Variants in PHEX observed in about 807,000 individuals in gnomAD.
PHEX encodes phosphate regulating endopeptidase X-linked.
PHEX carries 16 observed loss-of-function variants against 68.0 expected under a neutral mutation model. The ratio of observed to expected loss-of-function variants is 0.24; its 90% confidence interval spans 0.16 to 0.36. The LOEUF (loss-of-function observed/expected upper bound fraction) is 0.36, where lower values mean the gene tolerates loss of function less well. Ranked by LOEUF, PHEX falls within the 10% of genes least tolerant of loss-of-function variation. The pLI, the probability that PHEX is intolerant of heterozygous loss-of-function variation, is 1.00. For missense variants in PHEX, 480 were observed against 575.5 expected (o/e 0.83, Z 1.70); for synonymous variants, 208 against 205.1 (o/e 1.01, Z -0.12).
intron 3 of PHEX, among the ~76,000 whole-genome samples, chrX:22,054,689 A>G (rs755482203): frequency 9.0e-5 from 10 of 111,671 alleles, no homozygotes; most frequent in African/African-American, 3.2e-4. Flanking sequence ...TTACAAATAT[A>G]TCACCACAGT....
Position 22,105,119 on chromosome X carries a change from C to G in PHEX, c.1079+5968C>G, listed in dbSNP as rs1366354879. On this transcript the variant is annotated intron_variant, in intron 9 of 21. Coordinates refer to ENST00000379374, the MANE Select transcript of PHEX (RefSeq NM_000444.6). ...TAGGGTCTTGCTAGCCAAAGAATGG[C>G]CTACAGATGAGCAGCAGAGACATTA... Among the ~76,000 whole-genome samples, 4 of 112,024 alleles carry G rather than the reference C, an allele frequency of 3.6e-5. 1 individual carries two copies. The highest frequency in any genetic ancestry group is 1.3e-4 in the African/African-American group (4 of 30,841).
chrX:22,155,894 A>G (rs193247934), intron 12 of PHEX, among the ~76,000 whole-genome samples: 2 of 111,888 alleles, frequency 1.8e-5, no homozygotes, highest in East Asian at 5.6e-4. Flanking sequence ...GACAAATGGT[A>G]AACATCTTAG....
intron 2 of PHEX, 132 bp from the exon 3 acceptor site, chrX:22,046,918 A>T: frequency 1.8e-6 from 1 of 558,902 alleles, no homozygotes; most frequent in African/African-American, 2.2e-5. Context: ...AGATTCAGAG[A>T]GTTTATTTAA....
Position 22,071,484 on chromosome X carries a change from A to G in PHEX, c.350-4904A>G, listed in dbSNP as rs768179753. On this transcript the variant is annotated intron_variant, in intron 3 of 21. Coordinates refer to ENST00000379374, the MANE Select transcript of PHEX (RefSeq NM_000444.6). Reference sequence around the variant, plus strand: ...CCTTGTCAGGAATTCAACTCAGCGAACATTCACTAAGCACCAGCCATGCCA... The same window carrying G: ...CCTTGTCAGGAATTCAACTCAGCGAGCATTCACTAAGCACCAGCCATGCCA... Among the ~76,000 whole-genome samples, 126 of 111,796 alleles carry G rather than the reference A, an allele frequency of 1.1e-3. 1 individual carries two copies. The highest frequency in any genetic ancestry group is 3.4e-3 in the African/African-American group (106 of 30,806).
At chrX:22,212,620 C>T (rs1011513901) in intron 15 of PHEX, among the ~76,000 whole-genome samples, 3 of 112,046 alleles carry the variant, frequency 2.7e-5, no homozygotes, top group Admixed American at 1.9e-4. Context: ...CAGCCTGAAG[C>T]CTCATGAGCA....
chrX:22,210,646 T>C (rs1934890954), intron 15 of PHEX, among the ~76,000 whole-genome samples: 1 of 111,305 alleles, frequency 9.0e-6, no homozygotes, highest in African/African-American at 3.3e-5. Context: ...GATGGAATAT[T>C]GATGTAAATA....
intron 7 of PHEX, among the ~76,000 whole-genome samples, chrX:22,096,371 G>T (rs921126104): frequency 8.9e-6 from 1 of 112,372 alleles, no homozygotes; most frequent in East Asian, 2.8e-4. Context: ...GCCAGGGCTA[G>T]AGAGAGGCAA....
chrX:22,227,240 G>T (rs1935539034), intron 19 of PHEX, among the ~76,000 whole-genome samples: 1 of 112,493 alleles, frequency 8.9e-6, no homozygotes, highest in African/African-American at 3.2e-5. Context: ...TGCTAGGAAT[G>T]GAAAGAACAG....
At chrX:22,099,346 A>G (rs1052355917) in intron 9 of PHEX, 195 bp downstream of exon 9, 1 of 448,020 alleles carries the variant, frequency 2.2e-6, no homozygotes, top group Non-Finnish European at 3.9e-6. Context: ...CAATGATAAC[A>G]AATGTTTTTG....
chrX:22,115,795 C>T (rs748700307), intron 11 of PHEX, among the ~76,000 whole-genome samples: 11 of 112,195 alleles, frequency 9.8e-5, no homozygotes, highest in Non-Finnish European at 1.7e-4. Flanking sequence ...ATTTTTATGG[C>T]CAAATATTCC....
intron 13 of PHEX, chrX:22,171,946 C>T (rs916880863): frequency 2.7e-5 from 3 of 111,694 alleles, no homozygotes; most frequent in Non-Finnish European, 3.8e-5. Context: ...GCGAGATTAC[C>T]TGATGGATCA....
chrX:22,200,821 G>C (rs1934526895), intron 15 of PHEX, among the ~76,000 whole-genome samples: 1 of 110,564 alleles, frequency 9.0e-6, no homozygotes, highest in African/African-American at 3.3e-5. Context: ...GGAGGTGAGA[G>C]TGAGAAGTTT....
chrX:22,044,507 C>T (rs766562622), intron 2 of PHEX, among the ~76,000 whole-genome samples: 3 of 110,293 alleles, frequency 2.7e-5, no homozygotes, highest in African/African-American at 6.6e-5. Flanking sequence ...ATCAGGAGAT[C>T]GAGACCATCC....
At chrX:22,173,199 CT>C (rs1190275696) in intron 13 of PHEX, among the ~76,000 whole-genome samples, 1 of 112,449 alleles carries the variant, frequency 8.9e-6, no homozygotes, top group Non-Finnish European at 1.9e-5. Context: ...CAAGGGACCC[CT>C]GGCCATCATG....
chrX:22,227,772 T>C (rs1379895718), intron 20 of PHEX, among the ~76,000 whole-genome samples, 161 bp downstream of exon 20: 1 of 112,458 alleles, frequency 8.9e-6, no homozygotes, highest in Non-Finnish European at 1.9e-5. Context: ...CTTCTTAATG[T>C]TCTGTAGTAC....
chrX:22,229,590 TG>T (rs1415525681), intron 20 of PHEX, among the ~76,000 whole-genome samples: 19 of 112,504 alleles, frequency 1.7e-4, no homozygotes, highest in African/African-American at 1.6e-4. Flanking sequence ...TTGATGAGGT[TG>T]TTTTTTTCTT....
At chrX:22,092,189 C>T (rs778676969) in intron 6 of PHEX, among the ~76,000 whole-genome samples, 50 of 111,213 alleles carry the variant, frequency 4.5e-4, no homozygotes, top group Non-Finnish European at 9.1e-4. Flanking sequence ...CGTGTAGCAG[C>T]TTTATTAAGG....
At chrX:22,109,284 T>G (rs982877702) in intron 9 of PHEX, among the ~76,000 whole-genome samples, 11 of 112,435 alleles carry the variant, frequency 9.8e-5, no homozygotes, top group African/African-American at 3.6e-4. Flanking sequence ...GGATTTATAT[T>G]CATTGTCATT....
At chrX:22,060,569 T>G (rs1928315667) in intron 3 of PHEX, among the ~76,000 whole-genome samples, 1 of 112,056 alleles carries the variant, frequency 8.9e-6, no homozygotes, top group African/African-American at 3.2e-5. Context: ...TGCAAAATGC[T>G]ATGCATGGGA....
Sources: gnomAD v4.1 joint callset for allele counts (sites outside exome capture counted in the v4.1 genomes callset) on GRCh38, gnomAD v4.1.1 for gene constraint, MANE v1.5 for transcripts, NCBI Gene and HGNC (gene_info 2026-07-23, HGNC 2026-07-21) for gene names.